The following MYO3B variants were observed in gnomAD, a reference collection of about 807,000 sequenced individuals.
The protein encoded by MYO3B is myosin-IIIb.
Under a neutral mutation model 174.6 loss-of-function variants are expected in MYO3B, and 156 were observed. The ratio of observed to expected loss-of-function variants is 0.89; its 90% CI spans 0.78 to 1.02. The LOEUF (loss-of-function observed/expected upper bound fraction) is 1.02. Ranked by LOEUF, MYO3B falls within the 50% of genes least tolerant of loss-of-function variation. MYO3B has a pLI of 0.00. For missense variants in MYO3B, 1,632 were observed against 1,639.4 expected, an observed-to-expected ratio of 1.00 and a Z score of 0.08; for synonymous variants, 563 against 569.1, an observed-to-expected ratio of 0.99 and a Z score of 0.15.
intron 3 of MYO3B, among the ~76,000 whole-genome samples, chr2:170,203,565 T>A (rs1006364407): frequency 5.3e-5 from 8 of 152,100 alleles, no homozygotes; most frequent in Admixed American, 5.2e-4. Flanking sequence ...CGATGGACCT[T>A]TGTCCAGATT....
intron 8 of MYO3B, 49 bp downstream of exon 8, chr2:170,335,499 A>G (rs1338163402): frequency 1.4e-6 from 2 of 1,410,410 alleles, no homozygotes; most frequent in East Asian, 4.6e-5. Context: ...GGCCTTGAGC[A>G]GTGATTGGAG....
chr2:170,516,223 T>G (rs1378150616), intron 29 of MYO3B, among the ~76,000 whole-genome samples: 14 of 152,198 alleles, frequency 9.2e-5, no homozygotes, highest in Admixed American at 9.2e-4. Context: ...TGCCTGATAC[T>G]TCACACATTT....
At position 170,407,752 on chromosome 2, in the gene MYO3B, G is replaced by T; in HGVS notation, c.2558G>T (p.Arg853Ile). 1 of 1,614,066 alleles carries T rather than the reference G, an allele frequency of 6.2e-7. No homozygotes were observed. The highest frequency in any genetic ancestry group is 1.3e-5 in the African/African-American group (1 of 75,024). ...GCTTCTGGGGTTCTTGAGAAAAATA[G>T]AGACACTCTCCCTGCCGATGTGGTT... ...YDASGVLEKN[R>I]DTLPADVVVV... Residue 853 changes from arginine to isoleucine, a missense_variant, in exon 22 of 35, where the codon AGA becomes ATA. By Grantham distance (97) the Arg-to-Ile change is moderately conservative (BLOSUM62 -3). Coordinates refer to ENST00000408978, the MANE Select transcript of MYO3B (RefSeq NM_138995.5).
At chr2:170,293,621 A>G (rs2093610166) in intron 7 of MYO3B, among the ~76,000 whole-genome samples, 1 of 152,128 alleles carries the variant, frequency 6.6e-6, no homozygotes, top group Non-Finnish European at 1.5e-5. Context: ...TCTAAGATTT[A>G]TTTGGTCTGC....
At chr2:170,308,456 A>T (rs2093715596) in intron 7 of MYO3B, among the ~76,000 whole-genome samples, 1 of 152,140 alleles carries the variant, frequency 6.6e-6, no homozygotes, top group African/African-American at 2.4e-5. Context: ...CCTGCCCAGG[A>T]TTTATGTCAA....
intron 7 of MYO3B, among the ~76,000 whole-genome samples, chr2:170,241,681 C>A (rs934045285): frequency 7.5e-5 from 1 of 13,364 alleles, no homozygotes; most frequent in Non-Finnish European, 1.4e-4. Flanking sequence ...TGCCTGGATG[C>A]TGTGGGTAGT....
intron 22 of MYO3B, among the ~76,000 whole-genome samples, chr2:170,432,872 G>A (rs889667721): frequency 6.6e-6 from 1 of 152,106 alleles, no homozygotes; most frequent in Admixed American, 6.5e-5. Flanking sequence ...ACCATGCCCG[G>A]CCAAAAAAGA....
At chr2:170,235,829 T>G (rs778781458) in intron 6 of MYO3B, among the ~76,000 whole-genome samples, 162 bp from the exon 7 acceptor site, 2 of 152,218 alleles carry the variant, frequency 1.3e-5, no homozygotes, top group South Asian at 2.1e-4. Flanking sequence ...AATAAATTGG[T>G]TATACACAAA....
intron 7 of MYO3B, among the ~76,000 whole-genome samples, chr2:170,262,299 G>A (rs776426672): frequency 7.9e-5 from 12 of 152,190 alleles, no homozygotes; most frequent in Non-Finnish European, 1.3e-4. Flanking sequence ...TTGCTGGGGT[G>A]AGAGACGGGG....
In MYO3B at chr2:170,267,417, T is replaced by C. The variant is rs182140368; in HGVS notation, c.749+31281T>C. Among the ~76,000 whole-genome samples the C allele has an allele frequency of 1.2e-3, 187 of 152,350 alleles. 1 individual carries two copies. The highest frequency in any genetic ancestry group is 4.4e-3 in the African/African-American group (184 of 41,586). ...AGGCTGGGAATATAATCTAGTTTTG[T>C]GTGCAGAAGGAAAGAGAATTGGTTT... On this transcript the variant is annotated intron_variant, in intron 7 of 34. Coordinates refer to ENST00000408978, the MANE Select transcript of MYO3B (RefSeq NM_138995.5).
chr2:170,316,021 T>A (rs1346066357), intron 7 of MYO3B, among the ~76,000 whole-genome samples: 1 of 152,256 alleles, frequency 6.6e-6, no homozygotes, highest in East Asian at 1.9e-4. Context: ...CAGAGATGAT[T>A]CCAAAGCTGA....
At chr2:170,457,498 A>T (rs1197975465) in intron 23 of MYO3B, among the ~76,000 whole-genome samples, 3 of 152,188 alleles carry the variant, frequency 2.0e-5, no homozygotes, top group South Asian at 4.2e-4. Context: ...TATTTTTAAA[A>T]TTTTTTGTGA....
intron 8 of MYO3B, among the ~76,000 whole-genome samples, chr2:170,352,111 C>T (rs1336381989): frequency 6.6e-6 from 1 of 152,178 alleles, no homozygotes; most frequent in African/African-American, 2.4e-5. Flanking sequence ...TGCCACAACA[C>T]CTGGCTGATT....
chr2:170,422,632 T>A (rs902334108), intron 22 of MYO3B, among the ~76,000 whole-genome samples: 2 of 151,890 alleles, frequency 1.3e-5, no homozygotes, highest in African/African-American at 4.8e-5. Flanking sequence ...CTGATTTTTG[T>A]ATTATTAGTA....
chr2:170,632,998 A>G (rs930479234), intron 32 of MYO3B, among the ~76,000 whole-genome samples: 1 of 152,182 alleles, frequency 6.6e-6, no homozygotes, highest in Non-Finnish European at 1.5e-5. Flanking sequence ...CAACCAAAAA[A>G]AGTCCAGGGT....
intron 7 of MYO3B, among the ~76,000 whole-genome samples, chr2:170,329,823 CAGAG>C (rs1428268363): frequency 6.6e-6 from 1 of 152,114 alleles, no homozygotes; most frequent in Non-Finnish European, 1.5e-5. Context: ...TGGGGCAAGA[CAGAG>C]AGACACAGAC....
intron 23 of MYO3B, among the ~76,000 whole-genome samples, chr2:170,448,066 G>A: frequency 6.6e-6 from 1 of 152,148 alleles, no homozygotes; most frequent in East Asian, 1.9e-4. Flanking sequence ...TTAGAGTCTT[G>A]CAGCCTCCAG....
intron 7 of MYO3B, among the ~76,000 whole-genome samples, chr2:170,295,556 G>A (rs867307143): frequency 6.6e-6 from 1 of 151,950 alleles, no homozygotes; most frequent in Non-Finnish European, 1.5e-5. Context: ...ATTCATCCAT[G>A]TATTCTATTT....
chr2:170,382,716 C>T (rs559757890), intron 10 of MYO3B: 26 of 188,836 alleles, frequency 1.4e-4, no homozygotes, highest in Non-Finnish European at 2.3e-4. Flanking sequence ...ACCATTCTGT[C>T]GGTGCTCTAT....
Sources: gnomAD v4.1 joint callset for allele counts (sites outside exome capture counted in the v4.1 genomes callset) on GRCh38, gnomAD v4.1.1 for gene constraint, MANE v1.5 for transcripts, NCBI Gene and HGNC (gene_info 2026-07-23, HGNC 2026-07-21) for gene names.